Variants in TRPC5 observed in about 807,000 individuals in gnomAD.
TRPC5 encodes short transient receptor potential channel 5.
TRPC5 carries 9 observed loss-of-function variants against 56.5 expected under a neutral mutation model. That is an observed-to-expected ratio of 0.16 (90% CI 0.10 to 0.28). The LOEUF is 0.28. TRPC5 is among the 10% of genes least tolerant of loss of function. The pLI, the probability that TRPC5 is intolerant of heterozygous loss-of-function variation, is 1.00. For missense variants in TRPC5, 469 were observed against 748.9 expected (o/e 0.63, Z 4.36); for synonymous variants, 282 against 278.5 (o/e 1.01, Z -0.13).
intron 2 of TRPC5, 80 bp from the exon 3 acceptor site, chrX:111,912,892 G>A (rs1001096724): frequency 3.8e-5 from 38 of 1,011,820 alleles, no homozygotes; most frequent in Non-Finnish European, 4.6e-5. Context: ...AAATGCTGGC[G>A]ATTCAGGAAT....
chrX:112,071,907 T>G (rs1292979263), intron 1 of TRPC5, among the ~76,000 whole-genome samples: 1 of 111,864 alleles, frequency 8.9e-6, no homozygotes, highest in Non-Finnish European at 1.9e-5. Context: ...TCCATTCCCC[T>G]TTTTGGGCAT....
intron 1 of TRPC5, among the ~76,000 whole-genome samples, chrX:112,076,232 A>G (rs1416242178): frequency 9.1e-6 from 1 of 110,154 alleles, no homozygotes; most frequent in African/African-American, 3.3e-5. Context: ...GGAACATACC[A>G]AAGGACTGGG....
intron 7 of TRPC5, among the ~76,000 whole-genome samples, chrX:111,803,694 GT>G (rs759493948): frequency 2.7e-5 from 3 of 111,775 alleles, no homozygotes; most frequent in South Asian, 3.7e-4. Flanking sequence ...TTTTGATGGG[GT>G]TTTTTGTTTT....
chrX:112,030,013 T>C (rs561613630), intron 1 of TRPC5, among the ~76,000 whole-genome samples: 4 of 111,511 alleles, frequency 3.6e-5, no homozygotes, highest in East Asian at 5.7e-4. Flanking sequence ...TTAGTAGAGA[T>C]TGGGTTTCTC....
chrX:111,854,176 C>T, intron 3 of TRPC5, 70 bp from the exon 4 acceptor site: 1 of 1,066,041 alleles, frequency 9.4e-7, no homozygotes, highest in South Asian at 2.2e-5. Context: ...TAATACCTTT[C>T]CTAGTTTACA....
chrX:111,968,230 A>G (rs1485258202), intron 1 of TRPC5, among the ~76,000 whole-genome samples: 1 of 111,591 alleles, frequency 9.0e-6, no homozygotes. Flanking sequence ...AAAAATGCTC[A>G]TCATCACTGG....
chrX:111,948,262 A>G (rs1382468815), intron 2 of TRPC5, among the ~76,000 whole-genome samples: 2 of 111,264 alleles, frequency 1.8e-5, no homozygotes, highest in Non-Finnish European at 3.8e-5. Flanking sequence ...GTCTGACTTG[A>G]GGGGTGTTTA....
intron 2 of TRPC5, among the ~76,000 whole-genome samples, chrX:111,937,342 A>T (rs1926618346): frequency 9.9e-6 from 1 of 101,177 alleles, no homozygotes; most frequent in African/African-American, 3.8e-5. Flanking sequence ...GAAGCTCTTT[A>T]GTTTAATTAG....
At chrX:111,984,690 A>G (rs776551362) in intron 1 of TRPC5, among the ~76,000 whole-genome samples, 1 of 111,982 alleles carries the variant, frequency 8.9e-6, no homozygotes, top group East Asian at 2.8e-4. Flanking sequence ...GTAATGAATT[A>G]GTGTGATAGC....
chrX:111,989,161 T>C (rs751195885), intron 1 of TRPC5, among the ~76,000 whole-genome samples: 2 of 111,771 alleles, frequency 1.8e-5, no homozygotes, highest in Non-Finnish European at 3.8e-5. Flanking sequence ...TAAACCAAGC[T>C]ATCAAGTGTC....
At chrX:111,886,173 A>T (rs1329315335) in intron 3 of TRPC5, among the ~76,000 whole-genome samples, 2 of 111,862 alleles carry the variant, frequency 1.8e-5, no homozygotes, top group Non-Finnish European at 3.8e-5. Context: ...CCAGCTACTC[A>T]GGAGGCTGAG....
At chrX:112,061,227 A>G (rs1166734745) in intron 1 of TRPC5, among the ~76,000 whole-genome samples, 2 of 112,213 alleles carry the variant, frequency 1.8e-5, no homozygotes, top group African/African-American at 3.2e-5. Flanking sequence ...GTTGAAGGCT[A>G]CAGAAAGGGT....
chrX:111,769,010 T>C lies in TRPC5; in HGVS notation c.*7303A>G. Among the ~76,000 whole-genome samples, 1 of 112,240 alleles carries C rather than the reference T, an allele frequency of 8.9e-6. No homozygotes were observed. Among genetic ancestry groups the C allele is most frequent in the East Asian group, 2.8e-4 (1 of 3,573 alleles). On this transcript the variant is annotated 3_prime_UTR_variant, in exon 11 of 11. Coordinates refer to ENST00000262839, the MANE Select transcript of TRPC5 (RefSeq NM_012471.3). ...CTTTAAATACCATGACTAGATCTTATACAGGAAATACTTAATCTGAATATG... is the reference window on the plus strand; with the variant it reads ...CTTTAAATACCATGACTAGATCTTACACAGGAAATACTTAATCTGAATATG...
intron 1 of TRPC5, among the ~76,000 whole-genome samples, chrX:112,037,171 C>G (rs1197380099): frequency 1.8e-5 from 2 of 111,748 alleles, no homozygotes; most frequent in African/African-American, 6.5e-5. Context: ...AAATATACTT[C>G]TTTCCTAAGC....
At chrX:112,002,861 T>A (rs1343350522) in intron 1 of TRPC5, among the ~76,000 whole-genome samples, 5 of 112,222 alleles carry the variant, frequency 4.5e-5, no homozygotes, top group Non-Finnish European at 5.6e-5. Context: ...ACATAAACAT[T>A]GTGACCAACC....
intron 3 of TRPC5, among the ~76,000 whole-genome samples, chrX:111,886,685 G>A (rs1458847020): frequency 9.0e-6 from 1 of 111,539 alleles, no homozygotes; most frequent in Admixed American, 9.5e-5. Flanking sequence ...TGACATTCTG[G>A]AGGCCAAAGA....
chrX:112,016,475 A>G (rs1022896323), intron 1 of TRPC5, among the ~76,000 whole-genome samples: 2 of 110,950 alleles, frequency 1.8e-5, no homozygotes, highest in Non-Finnish European at 1.9e-5. Flanking sequence ...AGTCCAAGGT[A>G]AGGATGAGCT....
chrX:112,043,959 A>C (rs184650289), intron 1 of TRPC5, among the ~76,000 whole-genome samples: 1 of 105,997 alleles, frequency 9.4e-6, no homozygotes, highest in East Asian at 2.8e-4. Flanking sequence ...GTTTAATTGC[A>C]GTTAGCAGGA....
chrX:112,042,290 G>A (rs17307725), intron 1 of TRPC5, among the ~76,000 whole-genome samples: 4,291 of 111,390 alleles, frequency 0.039, 79 homozygotes, highest in Non-Finnish European at 0.06. Context: ...TGCAGGATCC[G>A]CGAGAAAGGA....
Sources: allele counts gnomAD v4.1 joint callset (sites outside exome capture counted in the v4.1 genomes callset), GRCh38; gene constraint gnomAD v4.1.1; transcripts MANE v1.5; gene names NCBI Gene and HGNC (gene_info 2026-07-23, HGNC 2026-07-21).